SBK1: variants seen among roughly 807,000 people sequenced by gnomAD.
SBK1 encodes the protein serine/threonine-protein kinase SBK1.
A neutral mutation model predicts 24.4 loss-of-function variants in SBK1; 11 were observed. The ratio of observed to expected loss-of-function variants is 0.45; its 90% CI spans 0.28 to 0.75. The LOEUF is 0.75. Ranked by LOEUF, SBK1 falls within the 30% of genes least tolerant of loss-of-function variation. The pLI is 0.12. For synonymous variants in SBK1, 308 were observed against 284.4 expected, an observed-to-expected ratio of 1.08 and a Z score of -0.83; for missense variants, 467 against 620.5, an observed-to-expected ratio of 0.75 and a Z score of 2.63.
At chr16:28,271,057 G>T (rs577903767) in intron 1 of SBK1, among the ~76,000 whole-genome samples, 1 of 150,914 alleles carries the variant, frequency 6.6e-6, no homozygotes, top group Admixed American at 6.6e-5. Context: ...TAGAGACGGG[G>T]TTTCACCATG....
At chr16:28,273,494 G>C (rs2044479352) in intron 1 of SBK1, among the ~76,000 whole-genome samples, 1 of 152,234 alleles carries the variant, frequency 6.6e-6, no homozygotes, top group African/African-American at 2.4e-5. Flanking sequence ...AAAGTGCTGG[G>C]ATTACAGGCA....
At chr16:28,313,617 A>G (rs1203554552) in intron 1 of SBK1, among the ~76,000 whole-genome samples, 2 of 146,296 alleles carry the variant, frequency 1.4e-5, no homozygotes, top group Non-Finnish European at 3.0e-5. Flanking sequence ...AAAAAAACAT[A>G]CTGACAGGGG....
intron 1 of SBK1, among the ~76,000 whole-genome samples, chr16:28,262,522 T>C (rs1316551434): frequency 6.6e-6 from 1 of 152,236 alleles, no homozygotes; most frequent in African/African-American, 2.4e-5. Context: ...GACTGGATGC[T>C]GAGGCCACTG....
Position 28,317,712 on chromosome 16 carries a change from C to CAG in SBK1, c.226+95_226+96insAG. On this transcript the variant is annotated intron_variant, in intron 2 of 3. Transcript: ENST00000341901. This position sits in a 1 kb window ranked among gnomAD's most constrained non-coding sequence, Gnocchi z 4.2. ...ACATGACCTTGCAGCTGGGCCGGGGCTCTCTGGTGCTCTGTGGAAGCCAGG... is the reference window on the plus strand; with the variant it reads ...ACATGACCTTGCAGCTGGGCCGGGGCAGTCTCTGGTGCTCTGTGGAAGCCAGG... The CAG allele has an allele frequency of 1.2e-6, 1 of 827,176 alleles. No homozygotes were observed. The highest frequency in any genetic ancestry group is 1.6e-5 in the South Asian group (1 of 63,292). The allele number at this position is 827,176 out of a possible 1,614,324, so 51.2% of individuals were successfully genotyped here.
At chr16:28,287,286 C>CAAAAAAAAAAAAAAAAAAA (rs56232453) in intron 1 of SBK1, among the ~76,000 whole-genome samples, 2 of 124,866 alleles carry the variant, frequency 1.6e-5, no homozygotes, top group African/African-American at 6.1e-5. Context: ...ACTAAAAATA[C>CAAAAAAAAAAAAAAAAAAA]AAAAAAAAAA....
intron 1 of SBK1, among the ~76,000 whole-genome samples, chr16:28,297,756 G>A (rs1292224082): frequency 6.6e-6 from 1 of 152,208 alleles, no homozygotes; most frequent in Non-Finnish European, 1.5e-5. Flanking sequence ...TGGGGCGTCG[G>A]CAGGTGGGTG....
At chr16:28,309,988 C>T (rs967255500) in intron 1 of SBK1, among the ~76,000 whole-genome samples, 1 of 152,186 alleles carries the variant, frequency 6.6e-6, no homozygotes, top group African/African-American at 2.4e-5. Flanking sequence ...AGGGTGGTGC[C>T]AACGCTTGCC....
intron 1 of SBK1, among the ~76,000 whole-genome samples, chr16:28,282,501 A>T (rs972842047): frequency 6.6e-6 from 1 of 152,214 alleles, no homozygotes; most frequent in African/African-American, 2.4e-5. Context: ...GGAATTTTAC[A>T]TTTGTTGGCA....
At position 28,321,073 on chromosome 16, in the gene SBK1, G is replaced by C. The variant is rs1472460220; in HGVS notation, c.*152G>C. On this transcript the variant is annotated 3_prime_UTR_variant, in exon 4 of 4. Transcript: ENST00000341901. ...GCGGCCCGGCACCTGGTCCGTCCCC[G>C]GCGGGCTGGTGAGGGGGCCACCAAA... 2.6e-5 allele frequency: 19 copies of C among 729,824 alleles called. No homozygotes were observed. Among genetic ancestry groups the C allele is most frequent in the Non-Finnish European group, 3.5e-5 (18 of 519,534 alleles). The allele number at this position is 729,824 out of a possible 1,614,324, so 45.2% of individuals were successfully genotyped here. A position where few individuals can be genotyped will look rare whatever the true frequency, so the allele number is the denominator to read the frequency against.
Position 28,319,254 on chromosome 16 carries a change from G to A in SBK1, c.429+57G>A, listed in dbSNP as rs2044820873. 6 of 1,330,042 alleles carry A rather than the reference G, an allele frequency of 4.5e-6. No individual in the cohort carries two copies. Among genetic ancestry groups the A allele is most frequent in the East Asian group, 4.6e-5 (2 of 43,392 alleles). The allele number at this position is 1,330,042 out of a possible 1,614,324, so 82.4% of individuals were successfully genotyped here. A position where few individuals can be genotyped will look rare whatever the true frequency, so the allele number is the denominator to read the frequency against. On this transcript the variant is annotated intron_variant, in intron 3 of 3. Coordinates refer to ENST00000341901, the MANE Select transcript of SBK1 (RefSeq NM_001024401.3). This position sits in a 1 kb window ranked among gnomAD's most constrained non-coding sequence, Gnocchi z 4.0. ...GGGTCTTCAGGGTCCCAGAGTGTGA[G>A]AGTGGGAGTGGAGTCAGACCATTTA...
chr16:28,269,713 C>CA (rs35633204), intron 1 of SBK1, among the ~76,000 whole-genome samples: 21,239 of 143,978 alleles, frequency 0.15, 1,815 homozygotes, highest in Admixed American at 0.27. Flanking sequence ...ACTAAAAATA[C>CA]AAAAAAAAAA....
At chr16:28,303,705 A>T (rs967033074) in intron 1 of SBK1, among the ~76,000 whole-genome samples, 4 of 151,442 alleles carry the variant, frequency 2.6e-5, no homozygotes, top group African/African-American at 7.3e-5. Flanking sequence ...ATTTGTAGAG[A>T]TGGGATTTCA....
intron 1 of SBK1, among the ~76,000 whole-genome samples, chr16:28,314,985 A>G (rs1222588291): frequency 1.3e-5 from 2 of 152,138 alleles, no homozygotes; most frequent in African/African-American, 2.4e-5. Context: ...GTCTCAAAAA[A>G]AAGGGAAAAA....
At chr16:28,260,747 A>T (rs1211791199) in intron 1 of SBK1, among the ~76,000 whole-genome samples, 3 of 152,170 alleles carry the variant, frequency 2.0e-5, no homozygotes, top group Non-Finnish European at 4.4e-5. Context: ...AACCTGGCTC[A>T]CAGGGTCACA....
chr16:28,269,494 C>CA (rs895534224), intron 1 of SBK1, among the ~76,000 whole-genome samples: 1 of 151,654 alleles, frequency 6.6e-6, no homozygotes, highest in East Asian at 1.9e-4. Context: ...AGGAAATAGT[C>CA]AAAAAAATGT....
rs2044385924 is a variant in SBK1, at chr16:28,259,789, A to T, written c.257+287A>T. The stretch of plus-strand genomic sequence containing the variant: ...CCATGGCTCCCAGCTCCCGTGGGAT[A>T]AAGTTAACACTCGGCTGAGCATTCA... On this transcript the variant is annotated intron_variant, in intron 1 of 3. Coordinates refer to the SBK1 transcript ENST00000671413. This position sits in a 1 kb window ranked among gnomAD's most constrained non-coding sequence, Gnocchi z 6.0. 6.6e-6 allele frequency among the ~76,000 whole-genome samples: 1 copy of T among 152,128 alleles called. No individual in the cohort carries two copies. Among genetic ancestry groups the T allele is most frequent in the African/African-American group, 2.4e-5 (1 of 41,418 alleles).
In SBK1 at chr16:28,280,149, A is replaced by ATGTGTGTG. The variant is rs71380914; in HGVS notation, c.257+20663_257+20670dup. ...TATATATATATATATATATATATAT[A>ATGTGTGTG]TGTGTGTGTGTGTGTGTGTGTGTAT... is the stretch of plus-strand genomic sequence containing the variant. On this transcript the variant is annotated intron_variant, in intron 1 of 3. Transcript: ENST00000671413. Among the ~76,000 whole-genome samples, 21 of 39,412 alleles carry ATGTGTGTG rather than the reference A, an allele frequency of 5.3e-4. 1 individual carries two copies. The highest frequency in any genetic ancestry group is 1.3e-3 in the African/African-American group (16 of 12,148). 25.9% of individuals were successfully genotyped at this position (39,412 alleles called of 152,430 possible).
intron 1 of SBK1, among the ~76,000 whole-genome samples, chr16:28,266,749 A>T (rs541137557): frequency 0.01 from 1,338 of 129,468 alleles, 13 homozygotes; most frequent in Non-Finnish European, 0.015. Context: ...TTTTTTTTTT[A>T]AAAAAAAAAC....
intron 1 of SBK1, among the ~76,000 whole-genome samples, chr16:28,269,985 G>C (rs573411380): frequency 2.0e-5 from 3 of 152,312 alleles, no homozygotes; most frequent in African/African-American, 7.2e-5. Context: ...AAATTGTATA[G>C]AGTATCAAGA....
Sources: gnomAD v4.1 joint callset for allele counts (sites outside exome capture counted in the v4.1 genomes callset) on GRCh38, gnomAD v4.1.1 for gene constraint, Gnocchi (gnomAD v3.1) non-coding constraint, MANE v1.5 for transcripts, NCBI Gene and HGNC (gene_info 2026-07-23, HGNC 2026-07-21) for gene names.